DSCAM: variants seen among roughly 807,000 people sequenced by gnomAD.
DSCAM encodes the protein cell adhesion molecule DSCAM.
DSCAM carries 47 observed loss-of-function variants against 217.7 expected under a neutral mutation model. The ratio of observed to expected loss-of-function variants is 0.22; its 90% CI spans 0.17 to 0.28. The LOEUF (loss-of-function observed/expected upper bound fraction) is 0.28. Ranked by LOEUF, DSCAM falls within the 10% of genes least tolerant of loss-of-function variation. The pLI is 1.00. For missense variants in DSCAM, 2,080 were observed against 2,618.3 expected (o/e 0.79, Z 4.49); for synonymous variants, 1,056 against 1,015.3 (o/e 1.04, Z -0.76).
intron 3 of DSCAM, among the ~76,000 whole-genome samples, chr21:40,670,482 G>A (rs2090259888): frequency 6.7e-6 from 1 of 150,290 alleles, no homozygotes; most frequent in Non-Finnish European, 1.5e-5. Context: ...AGGTTGCAGT[G>A]AGCCGAGATC....
Position 40,013,179 on chromosome 21 carries a change from G to C in DSCAM, c.5894C>G (p.Pro1965Arg). The change falls in exon 33 of 33, where the codon CCG becomes CGG. Residue 1965 changes from proline to arginine, a missense_variant. By Grantham distance (103) the Pro-to-Arg change is moderately radical. This residue lies in a region of DSCAM where 145 missense variants were observed against 138.5 expected (regional missense o/e 1.05). Coordinates refer to ENST00000400454, the MANE Select transcript of DSCAM (RefSeq NM_001389.5). The stretch of plus-strand genomic sequence containing the variant: ...CTGAGGTAATGTGGCCACGGCCCCC[G>C]GCTGCCACGACTGTCCTTCTCTCGT... ...SSTREGQSWQ[P>R]GAVATLPQRE... 1.9e-6 allele frequency: 3 copies of C among 1,613,540 alleles called. No individual in the cohort carries two copies. The highest frequency in any genetic ancestry group is 2.5e-6 in the Non-Finnish European group (3 of 1,179,776).
intron 3 of DSCAM, among the ~76,000 whole-genome samples, chr21:40,639,850 G>A (rs1020781208): frequency 6.6e-6 from 1 of 152,120 alleles, no homozygotes; most frequent in Non-Finnish European, 1.5e-5. Flanking sequence ...CTCCATAAAA[G>A]TCATACTTGA....
At chr21:40,501,442 C>T (rs2146036568) in intron 3 of DSCAM, among the ~76,000 whole-genome samples, 1 of 152,116 alleles carries the variant, frequency 6.6e-6, no homozygotes, top group Non-Finnish European at 1.5e-5. Flanking sequence ...GTCTTGAGTC[C>T]TCCATTTTTA....
intron 3 of DSCAM, among the ~76,000 whole-genome samples, chr21:40,569,954 T>C (rs914071723): frequency 5.3e-5 from 8 of 151,774 alleles, no homozygotes; most frequent in Non-Finnish European, 1.0e-4. Context: ...CAAGGACAAA[T>C]GTAGTGAACA....
chr21:40,608,861 T>C (rs946650122), intron 3 of DSCAM, among the ~76,000 whole-genome samples: 3 of 152,210 alleles, frequency 2.0e-5, no homozygotes, highest in African/African-American at 7.2e-5. Context: ...GGTTATTAAT[T>C]CCAGGAGCTA....
chr21:40,331,420 C>G (rs1435111876), intron 8 of DSCAM, among the ~76,000 whole-genome samples: 1 of 152,188 alleles, frequency 6.6e-6, no homozygotes, highest in East Asian at 1.9e-4. Flanking sequence ...GGAAGGCGAG[C>G]AGACACACTC....
intron 30 of DSCAM, among the ~76,000 whole-genome samples, chr21:40,050,841 G>A (rs527558798): frequency 5.3e-5 from 8 of 152,186 alleles, no homozygotes; most frequent in East Asian, 3.9e-4. Flanking sequence ...CTCATATCCC[G>A]TTTATGTCTT....
At position 40,179,075 on chromosome 21, in the gene DSCAM, C is replaced by T; in HGVS notation, c.2799G>A (p.Gln933=). The stretch of plus-strand genomic sequence containing the variant: ...GCTGAGGGGAAACATCTTTGGTTCT[C>T]TGAGCAGAATCCCAGGAGTCTTTTG... ...KNKSDSWDSA[Q]RTKDVSPQLN... is the part of the protein sequence containing the mutation. The change falls in exon 15 of 33, where the codon CAG becomes CAA. Residue 933 remains glutamine, a synonymous_variant. Coordinates refer to ENST00000400454, the MANE Select transcript of DSCAM (RefSeq NM_001389.5). 6.2e-7 allele frequency: 1 copy of T among 1,609,480 alleles called. No individual in the cohort carries two copies. The highest frequency in any genetic ancestry group is 8.5e-7 in the Non-Finnish European group (1 of 1,178,686).
intron 3 of DSCAM, among the ~76,000 whole-genome samples, chr21:40,575,105 G>T (rs372071337): frequency 2.0e-5 from 3 of 148,740 alleles, no homozygotes; most frequent in African/African-American, 7.8e-5. Context: ...CACCACAAAA[G>T]AAGTGAAAAT....
chr21:40,565,391 C>T (rs1601749211), intron 3 of DSCAM, among the ~76,000 whole-genome samples: 1 of 152,226 alleles, frequency 6.6e-6, no homozygotes, highest in East Asian at 1.9e-4. Context: ...TGAGCTGACT[C>T]TAGCCTATCC....
At chr21:40,568,896 C>T (rs1185066570) in intron 3 of DSCAM, among the ~76,000 whole-genome samples, 14 of 152,136 alleles carry the variant, frequency 9.2e-5, no homozygotes. Flanking sequence ...AGCAGGAGGC[C>T]TCTTCCCTTG....
chr21:40,102,871 T>G (rs1722203284), intron 20 of DSCAM, among the ~76,000 whole-genome samples: 1 of 152,206 alleles, frequency 6.6e-6, no homozygotes, highest in South Asian at 2.1e-4. Flanking sequence ...TATTCCACTG[T>G]GGGTTATGGT....
chr21:40,615,390 G>GT (rs1188901623), intron 3 of DSCAM: 2 of 150,974 alleles, frequency 1.3e-5, no homozygotes, highest in Non-Finnish European at 2.9e-5. Context: ...ATTTTTATCA[G>GT]CTTTATTTTT....
intron 3 of DSCAM, among the ~76,000 whole-genome samples, chr21:40,521,789 A>G (rs543301812): frequency 6.6e-6 from 1 of 152,288 alleles, no homozygotes; most frequent in Admixed American, 6.5e-5. Context: ...GTTCTGTTGC[A>G]CAGTCTGGCA....
chr21:40,653,080 C>T (rs1403681413), intron 3 of DSCAM, among the ~76,000 whole-genome samples: 1 of 152,226 alleles, frequency 6.6e-6, no homozygotes, highest in African/African-American at 2.4e-5. Flanking sequence ...CAACTGGAAG[C>T]CTGTGCCTGG....
chr21:40,463,006 G>A (rs1473336588), intron 3 of DSCAM, among the ~76,000 whole-genome samples: 1 of 152,110 alleles, frequency 6.6e-6, no homozygotes, highest in Non-Finnish European at 1.5e-5. Context: ...CACTGCAATT[G>A]TTGCTACTAT....
chr21:40,193,885 G>A (rs1367214610), intron 11 of DSCAM, among the ~76,000 whole-genome samples: 1 of 152,226 alleles, frequency 6.6e-6, no homozygotes, highest in South Asian at 2.1e-4. Context: ...CTGAAGTAAG[G>A]GTTTCTGTCC....
chr21:40,252,864 A>G (rs939388085), intron 11 of DSCAM, among the ~76,000 whole-genome samples: 1 of 152,152 alleles, frequency 6.6e-6, no homozygotes, highest in African/African-American at 2.4e-5. Context: ...AAGTGGGGAG[A>G]AAGAGAAAAT....
intron 1 of DSCAM, among the ~76,000 whole-genome samples, chr21:40,738,687 G>C (rs1377732898): frequency 6.6e-6 from 1 of 152,196 alleles, no homozygotes; most frequent in South Asian, 2.1e-4. Context: ...ATCTGATTCA[G>C]TAGGTCAGGA....
Sources: gnomAD v4.1 joint callset for allele counts (sites outside exome capture counted in the v4.1 genomes callset) on GRCh38, gnomAD v4.1.1 for gene constraint, gnomAD v4.1.1 regional missense constraint, MANE v1.5 for transcripts, NCBI Gene and HGNC (gene_info 2026-07-23, HGNC 2026-07-21) for gene names.